HEPHL1: variants seen among roughly 807,000 people sequenced by gnomAD.
HEPHL1 encodes the protein ferroxidase HEPHL1.
A neutral mutation model predicts 122.0 loss-of-function variants in HEPHL1; 123 were observed. The ratio of observed to expected loss-of-function variants is 1.01; its 90% CI spans 0.87 to 1.17. HEPHL1 has a LOEUF of 1.17. HEPHL1 is among the 50% of genes most tolerant of loss of function. The pLI is 0.00. For synonymous variants in HEPHL1, 527 were observed against 508.9 expected, an observed-to-expected ratio of 1.04 and a Z score of -0.48; for missense variants, 1,452 against 1,430.5, an observed-to-expected ratio of 1.01 and a Z score of -0.24.
intron 10 of HEPHL1, among the ~76,000 whole-genome samples, chr11:94,082,971 C>T (rs992269923): frequency 6.6e-6 from 1 of 152,094 alleles, no homozygotes; most frequent in Non-Finnish European, 1.5e-5. Flanking sequence ...TGCCTATATT[C>T]CCAGCTACTC....
intron 14 of HEPHL1, 31 bp downstream of exon 14, chr11:94,101,366 GA>G: frequency 1.9e-6 from 3 of 1,592,918 alleles, no homozygotes; most frequent in Non-Finnish European, 2.6e-6. Flanking sequence ...GCTCCATCTT[GA>G]AGAAGAACAT....
At chr11:94,069,685 C>T (rs1946059378) in intron 5 of HEPHL1, among the ~76,000 whole-genome samples, 1 of 152,062 alleles carries the variant, frequency 6.6e-6, no homozygotes, top group African/African-American at 2.4e-5. Context: ...TTACATCTTG[C>T]TTAATCAATA....
intron 1 of HEPHL1, among the ~76,000 whole-genome samples, chr11:94,039,557 A>G (rs1001625681): frequency 2.0e-5 from 3 of 151,724 alleles, no homozygotes; most frequent in Non-Finnish European, 4.4e-5. Context: ...ACAACTCAGG[A>G]TTAAGAATCT....
intron 14 of HEPHL1, among the ~76,000 whole-genome samples, chr11:94,102,184 A>G (rs1565362846): frequency 1.3e-5 from 2 of 152,260 alleles, no homozygotes; most frequent in Non-Finnish European, 2.9e-5. Context: ...TGTAGTAAAC[A>G]TAAAAATTAA....
In HEPHL1 at chr11:94,056,284, CT is replaced by C. The variant is rs1351599496; in HGVS notation, c.416-7217del. Among the ~76,000 whole-genome samples the C allele has an allele frequency of 8.5e-5, 13 of 152,066 alleles. 1 individual carries two copies. The East Asian group carries it at 2.5e-3, about 29-fold the overall frequency. ...ACAAACAGCATATAATAGAATTTTGCTTTTTTTCCCCCAGTTTGACAATCTC... is the reference window on the plus strand; with the variant it reads ...ACAAACAGCATATAATAGAATTTTGCTTTTTTCCCCCAGTTTGACAATCTC... On this transcript the variant is annotated intron_variant, in intron 2 of 19. Coordinates refer to ENST00000315765, the MANE Select transcript of HEPHL1 (RefSeq NM_001098672.2).
intron 2 of HEPHL1, among the ~76,000 whole-genome samples, chr11:94,061,997 T>C (rs1447471222): frequency 2.0e-5 from 3 of 152,082 alleles, no homozygotes; most frequent in Admixed American, 1.3e-4. Context: ...ATAACCTAAA[T>C]ATAATCAGGA....
At chr11:94,072,900 G>C in intron 6 of HEPHL1, 125 bp from the exon 7 acceptor site, 1 of 833,318 alleles carries the variant, frequency 1.2e-6, no homozygotes, top group Non-Finnish European at 1.9e-6. Context: ...GTCAAGGCCT[G>C]TGCTGTCTTT....
chr11:94,100,474 G>C (rs190595360), intron 13 of HEPHL1, among the ~76,000 whole-genome samples: 1 of 152,216 alleles, frequency 6.6e-6, no homozygotes, highest in Non-Finnish European at 1.5e-5. Flanking sequence ...CACCCAGCCT[G>C]GTTGCTTCCA....
intron 2 of HEPHL1, among the ~76,000 whole-genome samples, chr11:94,050,500 A>T (rs2134418699): frequency 6.6e-6 from 1 of 152,188 alleles, no homozygotes; most frequent in Non-Finnish European, 1.5e-5. Context: ...TCAGATTGAG[A>T]AAGTTTCTTT....
At chr11:94,046,135 C>A (rs942692039) in intron 2 of HEPHL1, among the ~76,000 whole-genome samples, 2 of 103,832 alleles carry the variant, frequency 1.9e-5, no homozygotes, top group Non-Finnish European at 1.8e-5. Flanking sequence ...CACTCTGTTG[C>A]CCAGGCTGGA....
At chr11:94,070,242 A>G in intron 5 of HEPHL1, 132 bp from the exon 6 acceptor site, 3 of 783,160 alleles carry the variant, frequency 3.8e-6, no homozygotes, top group Non-Finnish European at 5.6e-6. Context: ...CCTTTTTAAA[A>G]AAACTTTCTT....
chr11:94,037,240 T>G (rs1318572254), intron 1 of HEPHL1, among the ~76,000 whole-genome samples: 3 of 152,150 alleles, frequency 2.0e-5, no homozygotes, highest in African/African-American at 4.8e-5. Context: ...TCTCGCTGAT[T>G]GCTAGCACAG....
At chr11:94,075,423 T>A (rs1350774390) in intron 9 of HEPHL1, 38 bp downstream of exon 9, 1 of 1,456,784 alleles carries the variant, frequency 6.9e-7, no homozygotes, top group Admixed American at 2.0e-5. Flanking sequence ...CTCAGGGTTG[T>A]ATGTGGGAGA....
At chr11:94,095,743 C>T (rs954387739) in intron 13 of HEPHL1, among the ~76,000 whole-genome samples, 7 of 152,100 alleles carry the variant, frequency 4.6e-5, no homozygotes, top group Non-Finnish European at 8.8e-5. Flanking sequence ...CTTCACATCC[C>T]TTGTAAGTTG....
chr11:94,103,734 A>T (rs1223564620), intron 15 of HEPHL1, among the ~76,000 whole-genome samples: 1 of 152,232 alleles, frequency 6.6e-6, no homozygotes, highest in Non-Finnish European at 1.5e-5. Flanking sequence ...TATTAAAGAA[A>T]AAAAGGGAGG....
rs1231002100 is a variant in HEPHL1, at chr11:94,075,308, A to G, written c.1639A>G (p.Ile547Val). 3.7e-6 allele frequency: 6 copies of G among 1,613,426 alleles called. No homozygotes were observed. The highest frequency in any genetic ancestry group is 2.2e-5 in the East Asian group (1 of 44,884). Residue 547 changes from isoleucine (I) to valine (V), a missense_variant, in exon 9 of 20, where the codon ATT becomes GTT. Physicochemically the swap from Ile to Val is conservative, Grantham distance 29. Transcript: ENST00000315765. ...TCTTTACTTCTCAGCAGTTGATCCA[A>G]TTAAGGACACCAGCTCTGGCCTGGT... ...TYLYFSAVDP[I>V]KDTSSGLVGP...
At chr11:94,072,668 AAGAG>A (rs1412304406) in intron 6 of HEPHL1, among the ~76,000 whole-genome samples, 1 of 152,058 alleles carries the variant, frequency 6.6e-6, no homozygotes, top group Non-Finnish European at 1.5e-5. Flanking sequence ...TAATATCAGC[AAGAG>A]AGAGAGGGAT....
chr11:94,083,437 T>C (rs1946189600), intron 10 of HEPHL1, among the ~76,000 whole-genome samples: 1 of 152,208 alleles, frequency 6.6e-6, no homozygotes, highest in South Asian at 2.1e-4. Context: ...TCATTACTCT[T>C]AGGCATATTA....
chr11:94,101,207 A>G lies in HEPHL1; in HGVS notation c.2447A>G (p.His816Arg). Residue 816 changes from histidine to arginine, a missense_variant, in exon 14 of 20, where the codon CAT (histidine) becomes CGT (arginine). Physicochemically the swap from His to Arg is conservative, Grantham distance 29. Coordinates refer to ENST00000315765, the MANE Select transcript of HEPHL1 (RefSeq NM_001098672.2). ...GTTTTGCCTTTAGGCCCAATGATTC[A>G]TGCTGAGGTGGGCAACACCGTCCTG... ...EHLELLGPMI[H>R]AEVGNTVLII... The G allele has an allele frequency of 6.2e-7, 1 of 1,613,938 alleles. No individual in the cohort carries two copies. Among genetic ancestry groups the G allele is most frequent in the Non-Finnish European group, 8.5e-7 (1 of 1,179,850 alleles).
Sources: allele counts gnomAD v4.1 joint callset (sites outside exome capture counted in the v4.1 genomes callset), GRCh38; gene constraint gnomAD v4.1.1; transcripts MANE v1.5; gene names NCBI Gene and HGNC (gene_info 2026-07-23, HGNC 2026-07-21).